The following IL1R1 variants were observed in gnomAD, a reference collection of about 807,000 sequenced individuals.
IL1R1 encodes interleukin-1 receptor type 1.
IL1R1 carries 22 observed loss-of-function variants against 50.2 expected under a neutral mutation model. The ratio of observed to expected loss-of-function variants is 0.44; its 90% confidence interval spans 0.31 to 0.63. The LOEUF (loss-of-function observed/expected upper bound fraction) is 0.63. Ranked by LOEUF, IL1R1 falls within the 20% of genes least tolerant of loss-of-function variation. IL1R1 has a pLI of 0.07. For missense variants in IL1R1, 509 were observed against 676.2 expected, an observed-to-expected ratio of 0.75 and a Z score of 2.74; for synonymous variants, 251 against 236.7, an observed-to-expected ratio of 1.06 and a Z score of -0.55.
intron 1 of IL1R1, among the ~76,000 whole-genome samples, chr2:102,090,748 T>C (rs1679632307): frequency 6.6e-6 from 1 of 152,216 alleles, no homozygotes; most frequent in Middle Eastern, 3.2e-3. Context: ...TAATCACAGT[T>C]ATTTACAGTC....
chr2:102,083,316 C>T (rs190976321), intron 1 of IL1R1, among the ~76,000 whole-genome samples: 20 of 152,310 alleles, frequency 1.3e-4, no homozygotes, highest in Admixed American at 3.9e-4. Context: ...CTCGTACTGA[C>T]AGTGTCTAGA....
At chr2:102,170,057 A>T (rs1685540091) in intron 7 of IL1R1, among the ~76,000 whole-genome samples, 1 of 152,230 alleles carries the variant, frequency 6.6e-6, no homozygotes, top group Non-Finnish European at 1.5e-5. Flanking sequence ...GAGAGCTCTG[A>T]TGCCTAGGCT....
upstream of IL1R1, among the ~76,000 whole-genome samples, chr2:102,138,474 G>T (rs1183888584): frequency 6.6e-6 from 1 of 152,186 alleles, no homozygotes; most frequent in Non-Finnish European, 1.5e-5. Context: ...TATGAAATAT[G>T]TCACACTTTC....
At chr2:102,127,676 TG>T in intron 1 of IL1R1, among the ~76,000 whole-genome samples, 1 of 150,778 alleles carries the variant, frequency 6.6e-6, no homozygotes, top group African/African-American at 2.4e-5. Context: ...TGTGTGTGTG[TG>T]TGTGTGTGTG....
intron 1 of IL1R1, among the ~76,000 whole-genome samples, chr2:102,147,912 C>T (rs1410049129): frequency 2.0e-5 from 3 of 152,162 alleles, no homozygotes; most frequent in African/African-American, 7.2e-5. Flanking sequence ...TAAAACTTTC[C>T]TTCTCCCATT....
intron 1 of IL1R1, among the ~76,000 whole-genome samples, chr2:102,092,370 C>G (rs757793841): frequency 1.7e-4 from 26 of 151,844 alleles, no homozygotes; most frequent in Non-Finnish European, 3.1e-4. Flanking sequence ...CTCTTTGATT[C>G]TTAAAAAAAA....
chr2:102,109,338 A>G (rs1480217226), intron 1 of IL1R1, among the ~76,000 whole-genome samples: 1 of 150,788 alleles, frequency 6.6e-6, no homozygotes, highest in East Asian at 1.9e-4. Flanking sequence ...TAAGTATAAT[A>G]TCTTGAATCT....
At chr2:102,101,441 G>T (rs190979240), upstream of IL1R1, among the ~76,000 whole-genome samples, 27 of 152,320 alleles carry the variant, frequency 1.8e-4, no homozygotes, top group East Asian at 5.0e-3. Context: ...CCCATAGCAT[G>T]TTGAGGGGGA....
At chr2:102,142,441 G>A (rs1478514347), upstream of IL1R1, 1 of 152,194 alleles carries the variant, frequency 6.6e-6, no homozygotes, top group Admixed American at 6.5e-5. Context: ...AGTAGAGCCA[G>A]GTCGTAGTGG....
intron 1 of IL1R1, among the ~76,000 whole-genome samples, chr2:102,105,113 A>G (rs965711655): frequency 1.3e-5 from 2 of 152,222 alleles, no homozygotes; most frequent in Non-Finnish European, 2.9e-5. Context: ...GTGATTATCT[A>G]TGGAAGATTA....
intron 1 of IL1R1, among the ~76,000 whole-genome samples, chr2:102,123,386 C>A (rs1230772688): frequency 6.6e-6 from 1 of 152,108 alleles, no homozygotes; most frequent in Non-Finnish European, 1.5e-5. Flanking sequence ...ATGTTTAAAA[C>A]AAATTAGAGT....
chr2:102,163,799 G>A (rs978620950), intron 3 of IL1R1, among the ~76,000 whole-genome samples: 1 of 152,106 alleles, frequency 6.6e-6, no homozygotes, highest in Admixed American at 6.5e-5. Flanking sequence ...ATTTTACCAT[G>A]TTGGGTGCTG....
chr2:102,107,822 G>A (rs939266766), intron 1 of IL1R1, among the ~76,000 whole-genome samples: 2 of 152,110 alleles, frequency 1.3e-5, no homozygotes, highest in Admixed American at 1.3e-4. Flanking sequence ...AGTAACTTCT[G>A]CCAACCTAAT....
intron 1 of IL1R1, among the ~76,000 whole-genome samples, chr2:102,143,362 T>C (rs1018820765): frequency 2.0e-5 from 3 of 152,176 alleles, no homozygotes; most frequent in African/African-American, 7.2e-5. Flanking sequence ...GAGGTTAGGC[T>C]CAGGACCGTC....
chr2:102,176,405 C>T lies in IL1R1; in HGVS notation c.1356C>T (p.Ile452=). 3.7e-6 allele frequency: 6 copies of T among 1,614,022 alleles called. No homozygotes were observed. Among genetic ancestry groups the T allele is most frequent in the Non-Finnish European group, 5.1e-6 (6 of 1,179,928 alleles). The change falls in exon 12 of 12, where the codon ATC becomes ATT. Residue 452 remains isoleucine (I), a synonymous_variant. Coordinates refer to ENST00000410023, the MANE Select transcript of IL1R1 (RefSeq NM_000877.4). ...ENVKKSRRLI[I]ILVRETSGFS... ...TAAAGAAAAGCAGAAGACTGATTATCATTTTAGTCAGAGAAACATCAGGCT... is the reference window on the plus strand; with the variant it reads ...TAAAGAAAAGCAGAAGACTGATTATTATTTTAGTCAGAGAAACATCAGGCT...
intron 1 of IL1R1, among the ~76,000 whole-genome samples, chr2:102,128,235 T>A (rs1462708268): frequency 6.6e-6 from 1 of 152,202 alleles, no homozygotes; most frequent in Non-Finnish European, 1.5e-5. Context: ...GAAAACTCCC[T>A]ATTCCAAAAT....
intron 1 of IL1R1, among the ~76,000 whole-genome samples, chr2:102,096,364 T>C (rs1679902863): frequency 6.6e-6 from 1 of 152,342 alleles, no homozygotes; most frequent in African/African-American, 2.4e-5. Context: ...AAACAGAGTT[T>C]CTACTTGTTG....
chr2:102,104,808 C>G (rs961851377), exon 1 of IL1R1: 1 of 152,190 alleles, frequency 6.6e-6, no homozygotes, highest in Non-Finnish European at 1.5e-5. Context: ...CGGATTACCC[C>G]GACATTCTCC....
chr2:102,150,126 C>A (rs146315365), intron 1 of IL1R1, among the ~76,000 whole-genome samples: 4 of 152,142 alleles, frequency 2.6e-5, no homozygotes, highest in Admixed American at 6.5e-5. Context: ...TGTGGAGGAA[C>A]GTTGTGGGAA....
Sources: allele counts gnomAD v4.1 joint callset (sites outside exome capture counted in the v4.1 genomes callset), GRCh38; gene constraint gnomAD v4.1.1; transcripts MANE v1.5; gene names NCBI Gene and HGNC (gene_info 2026-07-23, HGNC 2026-07-21).